Variants in FAM227B observed in about 807,000 individuals in gnomAD.
FAM227B encodes the protein family with sequence similarity 227 member B.
Under a neutral mutation model 73.8 loss-of-function variants are expected in FAM227B, and 88 were observed. That is an observed-to-expected ratio of 1.19 (90% CI 1.00 to 1.42). The LOEUF (loss-of-function observed/expected upper bound fraction) is 1.42, where lower values mean the gene tolerates loss of function less well. Among genes scored for constraint, FAM227B ranks in the 40% most tolerant of loss-of-function variants. The pLI is 0.00. For missense variants in FAM227B, 632 were observed against 590.9 expected (o/e 1.07, Z -0.72); for synonymous variants, 210 against 190.5 (o/e 1.10, Z -0.84).
At chr15:49,414,304 T>C (rs77679988) in intron 11 of FAM227B, among the ~76,000 whole-genome samples, 3,631 of 149,946 alleles carry the variant, frequency 0.024, 91 homozygotes, top group South Asian at 0.13. Context: ...GAGAAAGAGA[T>C]GGGGAGATAG....
chr15:49,562,764 T>C (rs928012413), intron 9 of FAM227B, among the ~76,000 whole-genome samples: 1 of 152,088 alleles, frequency 6.6e-6, no homozygotes, highest in African/African-American at 2.4e-5. Flanking sequence ...ATCAACTCAA[T>C]AGATGCAGAA....
intron 11 of FAM227B, among the ~76,000 whole-genome samples, chr15:49,434,912 A>C (rs892274806): frequency 1.5e-4 from 22 of 151,590 alleles, no homozygotes; most frequent in African/African-American, 5.3e-4. Flanking sequence ...TTTTCCTTTA[A>C]AGGGAAATTT....
chr15:49,480,609 G>A (rs1408244551), intron 11 of FAM227B, among the ~76,000 whole-genome samples: 2 of 151,502 alleles, frequency 1.3e-5, no homozygotes, highest in Admixed American at 6.6e-5. Flanking sequence ...AGCCTCCTGA[G>A]TAGCTGGGAT....
intron 10 of FAM227B, among the ~76,000 whole-genome samples, chr15:49,531,259 T>C (rs1010281529): frequency 1.3e-5 from 2 of 151,886 alleles, no homozygotes; most frequent in Non-Finnish European, 2.9e-5. Flanking sequence ...ACATATATTA[T>C]GTATTGTGTA....
chr15:49,476,894 C>T (rs1421861042), intron 11 of FAM227B, among the ~76,000 whole-genome samples: 12 of 151,774 alleles, frequency 7.9e-5, no homozygotes, highest in Admixed American at 5.3e-4. Context: ...CTCGTCTCTA[C>T]TAAAAATACA....
chr15:49,380,871 T>C (rs1236917080), intron 11 of FAM227B, among the ~76,000 whole-genome samples: 3 of 152,288 alleles, frequency 2.0e-5, no homozygotes, highest in East Asian at 3.9e-4. Flanking sequence ...CATTCTTGCA[T>C]TGCTGTAAAG....
At chr15:49,480,734 C>T (rs1361296768) in intron 11 of FAM227B, among the ~76,000 whole-genome samples, 1 of 152,004 alleles carries the variant, frequency 6.6e-6, no homozygotes, top group African/African-American at 2.4e-5. Flanking sequence ...CCGCCTGACT[C>T]GGCCTCCCAA....
At chr15:49,505,700 A>C (rs1370071115) in intron 11 of FAM227B, among the ~76,000 whole-genome samples, 4 of 152,086 alleles carry the variant, frequency 2.6e-5, no homozygotes. Flanking sequence ...AATGACAAAA[A>C]TATTCAATTA....
chr15:49,583,185 G>A (rs768230918), intron 5 of FAM227B, among the ~76,000 whole-genome samples: 7 of 150,346 alleles, frequency 4.7e-5, no homozygotes, highest in African/African-American at 9.7e-5. Context: ...ACAAATCCAG[G>A]ACAACTCCCG....
chr15:49,380,190 C>A (rs2046431674), intron 11 of FAM227B, among the ~76,000 whole-genome samples: 1 of 152,328 alleles, frequency 6.6e-6, no homozygotes, highest in East Asian at 1.9e-4. Context: ...TACTGCCAGA[C>A]TACTACCTAA....
chr15:49,418,273 G>A (rs1489407585), intron 11 of FAM227B, among the ~76,000 whole-genome samples: 1 of 152,064 alleles, frequency 6.6e-6, no homozygotes, highest in Non-Finnish European at 1.5e-5. Flanking sequence ...AAGAACTAAA[G>A]ACACAATTGC....
intron 11 of FAM227B, among the ~76,000 whole-genome samples, chr15:49,415,889 T>C (rs1272342190): frequency 6.6e-6 from 1 of 152,124 alleles, no homozygotes; most frequent in African/African-American, 2.4e-5. Context: ...CTCAATTACT[T>C]TTGGGATTTT....
chr15:49,437,671 G>T (rs2051231708), intron 11 of FAM227B, among the ~76,000 whole-genome samples: 1 of 151,594 alleles, frequency 6.6e-6, no homozygotes. Flanking sequence ...AAGTTGCAGT[G>T]GCTCTTTCCA....
At chr15:49,444,700 T>C (rs1597234701) in intron 11 of FAM227B, among the ~76,000 whole-genome samples, 1 of 151,818 alleles carries the variant, frequency 6.6e-6, no homozygotes, top group East Asian at 1.9e-4. Context: ...CCTTTGTGCA[T>C]ATGTTCCGGG....
At chr15:49,367,668 A>C in intron 12 of FAM227B, 60 bp from the exon 13 acceptor site, 1 of 1,415,342 alleles carries the variant, frequency 7.1e-7, no homozygotes, top group Non-Finnish European at 9.5e-7. Flanking sequence ...AAAAACTGTG[A>C]ATAAAATATA....
chr15:49,581,416 C>G, intron 5 of FAM227B, among the ~76,000 whole-genome samples: 1 of 152,036 alleles, frequency 6.6e-6, no homozygotes, highest in East Asian at 1.9e-4. Context: ...CAACTTCCCC[C>G]TCTCAGGTTC....
chr15:49,559,363 T>C (rs2074044803), intron 9 of FAM227B, among the ~76,000 whole-genome samples: 1 of 152,088 alleles, frequency 6.6e-6, no homozygotes, highest in Admixed American at 6.5e-5. Flanking sequence ...AGGAAACTTA[T>C]GGCACCAGGT....
chr15:49,507,200 G>A (rs927870097), intron 11 of FAM227B, among the ~76,000 whole-genome samples: 11 of 151,850 alleles, frequency 7.2e-5, no homozygotes, highest in African/African-American at 2.7e-4. Flanking sequence ...GATATATACT[G>A]CGATAAGAAT....
chr15:49,583,333 G>A (rs1372263679), intron 5 of FAM227B, among the ~76,000 whole-genome samples: 1 of 151,866 alleles, frequency 6.6e-6, no homozygotes, highest in Non-Finnish European at 1.5e-5. Context: ...GATCATAAAG[G>A]CCTTGCTGAT....
Sources: gnomAD v4.1 joint callset for allele counts (sites outside exome capture counted in the v4.1 genomes callset) on GRCh38, gnomAD v4.1.1 for gene constraint, MANE v1.5 for transcripts, NCBI Gene and HGNC (gene_info 2026-07-23, HGNC 2026-07-21) for gene names.